CNTNAP2: variants seen among roughly 807,000 people sequenced by gnomAD.
The protein encoded by CNTNAP2 is contactin associated protein 2, also known as contactin-associated protein-like 2.
A neutral mutation model predicts 155.2 loss-of-function variants in CNTNAP2; 98 were observed. The ratio of observed to expected loss-of-function variants is 0.63; its 90% confidence interval spans 0.54 to 0.75. The LOEUF is 0.75. Ranked by LOEUF, CNTNAP2 falls within the 30% of genes least tolerant of loss-of-function variation. CNTNAP2 has a pLI of 0.00. For missense variants in CNTNAP2, 1,727 were observed against 1,688.1 expected (o/e 1.02, Z -0.40); for synonymous variants, 651 against 631.2 (o/e 1.03, Z -0.47).
Position 147,849,547 on chromosome 7 carries a change from G to T in CNTNAP2, c.2099-54018G>T, listed in dbSNP as rs148287093. Among the ~76,000 whole-genome samples, 8 of 152,328 alleles carry T rather than the reference G, an allele frequency of 5.3e-5. No homozygotes were observed. The East Asian group carries it at 1.5e-3, about 29-fold the overall frequency. ...ATGCAGCATTATCAATTTAGAGCCA[G>T]ATAATTTAAGATGAATCACGTCTTT... On this transcript the variant is annotated intron_variant, in intron 13 of 23. Transcript: ENST00000361727.
intron 13 of CNTNAP2, among the ~76,000 whole-genome samples, chr7:147,770,288 A>T (rs538626662): frequency 1.3e-5 from 2 of 152,264 alleles, no homozygotes; most frequent in East Asian, 3.9e-4. Flanking sequence ...TTTTAAAATT[A>T]TTTCCTTGCC....
intron 1 of CNTNAP2, among the ~76,000 whole-genome samples, chr7:146,293,037 CAT>C (rs1248793606): frequency 6.6e-6 from 1 of 151,990 alleles, no homozygotes; most frequent in African/African-American, 2.4e-5. Context: ...AGATGATGAA[CAT>C]ATTAATTAGC....
At chr7:147,042,631 A>T (rs975257067) in intron 3 of CNTNAP2, among the ~76,000 whole-genome samples, 1 of 152,156 alleles carries the variant, frequency 6.6e-6, no homozygotes, top group African/African-American at 2.4e-5. Flanking sequence ...AATTTTTTTA[A>T]AAGACAAAAC....
chr7:146,727,191 C>T (rs1801444740), intron 1 of CNTNAP2, among the ~76,000 whole-genome samples: 1 of 152,062 alleles, frequency 6.6e-6, no homozygotes, highest in Admixed American at 6.5e-5. Flanking sequence ...CATGATACCG[C>T]TATTGTCCAA....
chr7:147,305,759 C>T (rs530058087), intron 9 of CNTNAP2, among the ~76,000 whole-genome samples: 1 of 152,224 alleles, frequency 6.6e-6, no homozygotes, highest in East Asian at 1.9e-4. Flanking sequence ...GTACCACAAA[C>T]ACGGTGGCTT....
intron 3 of CNTNAP2, among the ~76,000 whole-genome samples, chr7:147,007,955 T>C (rs1798554747): frequency 6.6e-6 from 1 of 152,168 alleles, no homozygotes; most frequent in African/African-American, 2.4e-5. Context: ...AAGCTTCTAA[T>C]AAAATAAGTG....
intron 1 of CNTNAP2, among the ~76,000 whole-genome samples, chr7:146,207,635 GTGTT>G (rs1798966939): frequency 1.0e-5 from 1 of 98,596 alleles, no homozygotes; most frequent in Non-Finnish European, 2.1e-5. Context: ...GAACAGGACT[GTGTT>G]TTTTTTTTTT....
intron 2 of CNTNAP2, among the ~76,000 whole-genome samples, chr7:146,839,203 A>G (rs1021888521): frequency 6.6e-6 from 1 of 151,964 alleles, no homozygotes; most frequent in South Asian, 2.1e-4. Context: ...TCAGTGGTAC[A>G]GGAAATTAAT....
At chr7:147,063,861 A>T (rs1453598269) in intron 4 of CNTNAP2, among the ~76,000 whole-genome samples, 4 of 152,182 alleles carry the variant, frequency 2.6e-5, no homozygotes, top group Non-Finnish European at 5.9e-5. Flanking sequence ...TAAAAGCAGT[A>T]TAAAAAATCT....
At chr7:148,108,589 A>T (rs1804275381) in intron 15 of CNTNAP2, among the ~76,000 whole-genome samples, 1 of 152,092 alleles carries the variant, frequency 6.6e-6, no homozygotes, top group East Asian at 1.9e-4. Flanking sequence ...TCTGTGAAAT[A>T]AGCCAGGCAC....
intron 13 of CNTNAP2, among the ~76,000 whole-genome samples, chr7:147,758,957 T>A (rs1021072969): frequency 6.6e-6 from 1 of 152,212 alleles, no homozygotes; most frequent in Non-Finnish European, 1.5e-5. Context: ...TAGATTTCCT[T>A]CCAGAAAGGA....
intron 1 of CNTNAP2, among the ~76,000 whole-genome samples, chr7:146,207,159 T>A (rs10268545): frequency 0.31 from 46,401 of 151,740 alleles, 8,317 homozygotes; most frequent in African/African-American, 0.5. Flanking sequence ...TTTAAGGTAT[T>A]CACAGCTTTC....
chr7:146,323,474 A>G (rs1263159065), intron 1 of CNTNAP2, among the ~76,000 whole-genome samples: 2 of 152,276 alleles, frequency 1.3e-5, no homozygotes, highest in South Asian at 2.1e-4. Context: ...ATGAAAGTTA[A>G]CGGCTATATA....
intron 21 of CNTNAP2, among the ~76,000 whole-genome samples, chr7:148,367,594 G>A (rs1798808371): frequency 6.6e-6 from 1 of 151,936 alleles, no homozygotes; most frequent in Non-Finnish European, 1.5e-5. Context: ...CAGATATTCA[G>A]CTGGAAATAC....
At chr7:148,238,089 G>A (rs1001411824) in intron 20 of CNTNAP2, among the ~76,000 whole-genome samples, 13 of 152,162 alleles carry the variant, frequency 8.5e-5, no homozygotes, top group African/African-American at 3.1e-4. Flanking sequence ...GGTGGCTCAC[G>A]CCTGTAATCC....
intron 1 of CNTNAP2, among the ~76,000 whole-genome samples, chr7:146,379,992 T>C (rs1795358504): frequency 6.6e-6 from 1 of 152,232 alleles, no homozygotes; most frequent in Non-Finnish European, 1.5e-5. Flanking sequence ...ATGTACAGAC[T>C]TTCTGCAATT....
intron 3 of CNTNAP2, among the ~76,000 whole-genome samples, chr7:146,926,990 G>C (rs192605032): frequency 4.7e-4 from 71 of 152,228 alleles, no homozygotes; most frequent in Non-Finnish European, 8.7e-4. Flanking sequence ...AGAAATCCTT[G>C]AGAGAAACTT....
intron 1 of CNTNAP2, among the ~76,000 whole-genome samples, chr7:146,222,575 T>C (rs1050914673): frequency 7.0e-4 from 103 of 147,372 alleles, no homozygotes; most frequent in South Asian, 1.7e-3. Flanking sequence ...TGTGTGTGTG[T>C]GCGTGCACAT....
intron 18 of CNTNAP2, among the ~76,000 whole-genome samples, chr7:148,189,386 AC>A (rs1795167810): frequency 6.6e-6 from 1 of 152,166 alleles, no homozygotes; most frequent in Admixed American, 6.5e-5. Flanking sequence ...AGGGAGGCCA[AC>A]CCCTAAGCTG....
Sources: allele counts gnomAD v4.1 joint callset (sites outside exome capture counted in the v4.1 genomes callset), GRCh38; gene constraint gnomAD v4.1.1; transcripts MANE v1.5; gene names NCBI Gene and HGNC (gene_info 2026-07-23, HGNC 2026-07-21).